The following FKBP11 variants were observed in gnomAD, a reference collection of about 807,000 sequenced individuals.
FKBP11 encodes peptidyl-prolyl cis-trans isomerase FKBP11.
In FKBP11, 21 loss-of-function variants were observed where a neutral mutation model predicts 24.7. The ratio of observed to expected loss-of-function variants is 0.85; its 90% CI spans 0.60 to 1.23. The LOEUF (loss-of-function observed/expected upper bound fraction) is 1.23. FKBP11 is among the 50% of genes most tolerant of loss of function. The probability of loss-of-function intolerance (pLI) is 0.00; values close to 1 mark genes in which losing one functional copy is unlikely to be tolerated. For missense variants in FKBP11, 245 were observed against 248.7 expected, an observed-to-expected ratio of 0.99 and a Z score of 0.10; for synonymous variants, 106 against 100.6, an observed-to-expected ratio of 1.05 and a Z score of -0.32.
chr12:48,931,772 C>T, the FKBP11 span: 2 of 357,896 alleles, frequency 5.6e-6, no homozygotes, highest in Non-Finnish European at 1.0e-5. Flanking sequence ...GAACACTGCT[C>T]TTTAAATGTT....
upstream of FKBP11, among the ~76,000 whole-genome samples, chr12:48,928,287 T>C (rs1016060948): frequency 6.6e-6 from 1 of 151,780 alleles, no homozygotes; most frequent in African/African-American, 2.4e-5. Flanking sequence ...TCAAGTGATC[T>C]GCCCCCTTCG....
At chr12:48,934,486 CT>C in the FKBP11 span, among the ~76,000 whole-genome samples, 1 of 152,200 alleles carries the variant, frequency 6.6e-6, no homozygotes, top group Non-Finnish European at 1.5e-5. Context: ...TCTTCATCCC[CT>C]ATCCCCTCAA....
the FKBP11 span, chr12:48,931,798 A>G: frequency 7.8e-6 from 2 of 255,684 alleles, no homozygotes; most frequent in South Asian, 8.2e-5. Context: ...GTGTTTATTT[A>G]TAACAGGTTG....
the FKBP11 span, among the ~76,000 whole-genome samples, chr12:48,933,092 G>A: frequency 6.6e-6 from 1 of 151,714 alleles, no homozygotes; most frequent in East Asian, 1.9e-4. Flanking sequence ...ATGGTGAATG[G>A]TCTCAACCCA....
At position 48,923,811 on chromosome 12, in the gene FKBP11, C is replaced by T. The variant is rs1185599350; in HGVS notation, c.359G>A (p.Gly120Glu). 1.9e-6 allele frequency: 3 copies of T among 1,614,014 alleles called. No homozygotes were observed. Among genetic ancestry groups the T allele is most frequent in the African/African-American group, 1.3e-5 (1 of 74,920 alleles). Residue 120 changes from glycine (G) to glutamate (E), a missense_variant, in exon 5 of 6, where the codon GGA becomes GAA. Physicochemically the swap from Gly to Glu is moderately conservative, Grantham distance 98. Coordinates refer to ENST00000550765, the MANE Select transcript of FKBP11 (RefSeq NM_016594.3). ...GACAGATGGTGGAAATCCCCGTTTT[C>T]CATAGGCCAAGTGAGAAGGAATGAT... ...RAIIPSHLAY[G>E]KRGFPPSVPA...
upstream of FKBP11, among the ~76,000 whole-genome samples, chr12:48,928,320 C>T (rs149869572): frequency 4.0e-3 from 608 of 151,666 alleles, no homozygotes; most frequent in Admixed American, 6.4e-3. Context: ...GCTGGGATTA[C>T]AGGCATCAGT....
Position 48,925,109 on chromosome 12 carries a change from C to T in FKBP11, c.132G>A (p.Val44=), listed in dbSNP as rs538196816. The change falls in exon 2 of 6, where the codon GTG becomes GTA. Residue 44 remains valine (V), a splice_region_variant and synonymous_variant. Coordinates refer to ENST00000550765, the MANE Select transcript of FKBP11 (RefSeq NM_016594.3). ...GCTCGGCACATGGTTCTGGGGGCTC[C>T]ACCTACGATCGGACTACAGGGGTCA... ...PVRTLQVETL[V]EPPEPCAEPA... 1.4e-5 allele frequency: 22 copies of T among 1,613,626 alleles called. No individual in the cohort carries two copies. In the East Asian group the frequency reaches 4.5e-4, roughly 33 times the overall value.
upstream of FKBP11, among the ~76,000 whole-genome samples, chr12:48,929,129 TAAA>T (rs1940017974): frequency 6.6e-6 from 1 of 151,508 alleles, no homozygotes; most frequent in South Asian, 2.1e-4. Context: ...GCCCGGCCTT[TAAA>T]CTTCTATCTT....
At chr12:48,922,297 CCAA>C in intron 5 of FKBP11, 96 bp from the exon 6 acceptor site, 1 of 1,125,536 alleles carries the variant, frequency 8.9e-7, no homozygotes, top group Non-Finnish European at 1.3e-6. Context: ...CACAGCAAAG[CCAA>C]CAACTATGAA....
chr12:48,936,658 C>A, the FKBP11 span: 2 of 152,504 alleles, frequency 1.3e-5, no homozygotes, highest in Non-Finnish European at 2.9e-5. Flanking sequence ...CCCAAAAAAA[C>A]AAGGTGAGGG....
chr12:48,924,523 G>A (rs1158762357), intron 3 of FKBP11, 38 bp downstream of exon 3: 1 of 1,574,668 alleles, frequency 6.4e-7, no homozygotes, highest in Admixed American at 1.7e-5. Context: ...AAGGGCTTAG[G>A]TTGGGAAGAG....
intron 3 of FKBP11, 56 bp from the exon 4 acceptor site, chr12:48,924,312 G>T: frequency 1.2e-6 from 2 of 1,605,762 alleles, no homozygotes; most frequent in East Asian, 2.2e-5. Flanking sequence ...CAAATCCCAT[G>T]ACATGAAGAT....
chr12:48,926,126 T>A (rs1335316672), upstream of FKBP11: 1 of 152,114 alleles, frequency 6.6e-6, no homozygotes, highest in African/African-American at 2.4e-5. Flanking sequence ...ACAGGGTAAA[T>A]CCCTGATCTT....
chr12:48,932,293 T>A, the FKBP11 span, among the ~76,000 whole-genome samples: 1 of 86,858 alleles, frequency 1.2e-5, no homozygotes, highest in Admixed American at 1.6e-4. Flanking sequence ...TTTTTTTTCT[T>A]ATAGAGATGG....
the FKBP11 span, chr12:48,938,821 G>T: frequency 8.0e-7 from 1 of 1,254,186 alleles, no homozygotes. Flanking sequence ...GGCTCTTGCT[G>T]GGCATGTGGA....
upstream of FKBP11, among the ~76,000 whole-genome samples, chr12:48,929,847 C>T (rs1324049236): frequency 6.6e-6 from 1 of 152,218 alleles, no homozygotes; most frequent in East Asian, 1.9e-4. Flanking sequence ...TGTGCCTGAA[C>T]TCATACACTT....
chr12:48,931,419 C>G, upstream of FKBP11: 1 of 1,536,068 alleles, frequency 6.5e-7, no homozygotes, highest in Non-Finnish European at 8.7e-7. Context: ...ACAGGCAGCA[C>G]AAGCCCATCT....
At chr12:48,930,981 T>A (rs1940041357), upstream of FKBP11, among the ~76,000 whole-genome samples, 1 of 151,670 alleles carries the variant, frequency 6.6e-6, no homozygotes, top group Admixed American at 6.6e-5. Context: ...TACAAAAAAT[T>A]AGCCAGGCGT....
At chr12:48,923,424 G>GT in intron 5 of FKBP11, 1 of 1,521,610 alleles carries the variant, frequency 6.6e-7, no homozygotes, top group Non-Finnish European at 8.9e-7. Context: ...GAAGGGGTGG[G>GT]GGGTGGCTGT....
Sources: allele counts gnomAD v4.1 joint callset (sites outside exome capture counted in the v4.1 genomes callset), GRCh38; gene constraint gnomAD v4.1.1; transcripts MANE v1.5; gene names NCBI Gene and HGNC (gene_info 2026-07-23, HGNC 2026-07-21).